The following COL25A1 variants were observed in gnomAD, a reference collection of about 807,000 sequenced individuals.
COL25A1 encodes collagen alpha-1(XXV) chain.
A neutral mutation model predicts 128.4 loss-of-function variants in COL25A1; 103 were observed. The ratio of observed to expected loss-of-function variants is 0.80; its 90% confidence interval spans 0.68 to 0.94. The LOEUF (loss-of-function observed/expected upper bound fraction) is 0.94. Ranked by LOEUF, COL25A1 falls within the 40% of genes least tolerant of loss-of-function variation. COL25A1 has a pLI of 0.00. For missense variants in COL25A1, 745 were observed against 840.0 expected (o/e 0.89, Z 1.40); for synonymous variants, 279 against 277.2 (o/e 1.01, Z -0.06).
At chr4:109,032,912 C>T (rs1442142568) in intron 5 of COL25A1, among the ~76,000 whole-genome samples, 2 of 152,156 alleles carry the variant, frequency 1.3e-5, no homozygotes, top group Admixed American at 1.3e-4. Flanking sequence ...GTCTGCGTCC[C>T]GCCTGGAGCA....
At chr4:108,959,900 AG>A (rs1750481643) in intron 8 of COL25A1, among the ~76,000 whole-genome samples, 1 of 152,172 alleles carries the variant, frequency 6.6e-6, no homozygotes, top group Admixed American at 6.5e-5. Context: ...AAAGTCTAAT[AG>A]ATCTCCAGAT....
At chr4:108,943,653 C>T (rs575525074) in intron 8 of COL25A1, among the ~76,000 whole-genome samples, 1 of 152,256 alleles carries the variant, frequency 6.6e-6, no homozygotes, top group African/African-American at 2.4e-5. Context: ...GTTTTGAATT[C>T]CTTATCCAAG....
At chr4:108,834,360 A>T in intron 31 of COL25A1, 2 of 1,550,514 alleles carry the variant, frequency 1.3e-6, no homozygotes, top group Non-Finnish European at 1.7e-6. Flanking sequence ...CTCACCCGGG[A>T]TCCTGGCTTT....
intron 11 of COL25A1, among the ~76,000 whole-genome samples, chr4:108,930,103 G>T (rs1475020285): frequency 6.6e-6 from 1 of 152,084 alleles, no homozygotes; most frequent in African/African-American, 2.4e-5. Flanking sequence ...AACTTAGCTT[G>T]GGGGAGTGTG....
intron 3 of COL25A1, among the ~76,000 whole-genome samples, chr4:109,264,481 G>A (rs1433903186): frequency 6.6e-6 from 1 of 152,206 alleles, no homozygotes; most frequent in Non-Finnish European, 1.5e-5. Context: ...AGTCACAGAA[G>A]GAACAGAGCA....
At chr4:108,941,674 G>A (rs2125929231) in intron 8 of COL25A1, among the ~76,000 whole-genome samples, 1 of 152,230 alleles carries the variant, frequency 6.6e-6, no homozygotes, top group Middle Eastern at 3.4e-3. Flanking sequence ...TATTTTTTGT[G>A]CCTCATCATT....
At chr4:108,980,354 C>T (rs534366503) in intron 6 of COL25A1, among the ~76,000 whole-genome samples, 52 of 152,314 alleles carry the variant, frequency 3.4e-4, no homozygotes, top group African/African-American at 1.2e-3. Flanking sequence ...ACTGATTGGA[C>T]ATGGGGGCCA....
At position 109,026,794 on chromosome 4, in the gene COL25A1, G is replaced by T. The variant is rs556539681; in HGVS notation, c.421-16419C>A. Among the ~76,000 whole-genome samples the T allele has an allele frequency of 2.0e-5, 3 of 152,308 alleles. No individual in the cohort carries two copies. In the East Asian group the frequency reaches 5.8e-4, roughly 29 times the overall value. Reference sequence around the variant, plus strand: ...GGACAGGACATAGAGAAAAGAAATGGCTTGCAGAGCAGTATCAGCATGCAA... The same window carrying T: ...GGACAGGACATAGAGAAAAGAAATGTCTTGCAGAGCAGTATCAGCATGCAA... On this transcript the variant is annotated intron_variant, in intron 5 of 37. Coordinates refer to ENST00000399132, the MANE Select transcript of COL25A1 (RefSeq NM_198721.4).
chr4:108,974,227 C>G, intron 8 of COL25A1, 140 bp downstream of exon 8: 1 of 781,156 alleles, frequency 1.3e-6, no homozygotes, highest in Admixed American at 2.6e-5. Context: ...GTTTTTTTCA[C>G]TTACAAGTGG....
intron 32 of COL25A1, 66 bp from the exon 33 acceptor site, chr4:108,827,254 C>T: frequency 3.7e-6 from 5 of 1,335,714 alleles, no homozygotes; most frequent in Non-Finnish European, 5.4e-6. Flanking sequence ...TTCTCTCATG[C>T]CCTATGTCTA....
intron 3 of COL25A1, among the ~76,000 whole-genome samples, chr4:109,240,936 CA>C (rs33995326): frequency 0.54 from 80,664 of 149,952 alleles, 23,152 homozygotes; most frequent in African/African-American, 0.74. Context: ...ATGGAGAGTA[CA>C]AAATAATTTT....
chr4:108,836,310 T>G (rs1230245856), intron 31 of COL25A1, among the ~76,000 whole-genome samples: 1 of 152,240 alleles, frequency 6.6e-6, no homozygotes, highest in Non-Finnish European at 1.5e-5. Flanking sequence ...AAGGGCAGAC[T>G]TTAAATAAAT....
chr4:109,121,934 C>A, intron 3 of COL25A1, among the ~76,000 whole-genome samples: 1 of 152,016 alleles, frequency 6.6e-6, no homozygotes. Context: ...AATATCATAT[C>A]ATTCAGGCTA....
intron 3 of COL25A1, among the ~76,000 whole-genome samples, chr4:109,139,973 T>C (rs752873583): frequency 1.3e-5 from 2 of 152,190 alleles, no homozygotes; most frequent in Non-Finnish European, 1.5e-5. Context: ...GGTTTCCAGC[T>C]TCATCGATGT....
intron 5 of COL25A1, among the ~76,000 whole-genome samples, chr4:109,019,825 G>A (rs1402581362): frequency 6.6e-6 from 1 of 152,098 alleles, no homozygotes; most frequent in East Asian, 1.9e-4. Context: ...GCAGTCAAAG[G>A]CCAGAGGAGG....
Position 109,301,787 on chromosome 4 carries a change from A to G in COL25A1, c.233T>C (p.Leu78Pro). 1 of 1,614,266 alleles carries G rather than the reference A, an allele frequency of 6.2e-7. No homozygotes were observed. Among genetic ancestry groups the G allele is most frequent in the Non-Finnish European group, 8.5e-7 (1 of 1,180,048 alleles). ...SAKGAPSIHLLPDTLDHLKTM... is the reference protein window; with the variant it reads ...SAKGAPSIHLPPDTLDHLKTM... ...CTTGAGGTGATCCAGGGTATCAGGC[A>G]GCAGATGAATGGAAGGGGCCCCTTT... Residue 78 changes from leucine (L) to proline (P), a missense_variant, in exon 2 of 38, where the codon CTG becomes CCG. Around this residue, in one of 3 missense-constraint regions of COL25A1, gnomAD observed 319 missense variants for 324.9 expected, o/e 0.98. Transcript: ENST00000399132.
chr4:109,072,794 C>G (rs923531832), intron 3 of COL25A1, among the ~76,000 whole-genome samples: 1 of 152,214 alleles, frequency 6.6e-6, no homozygotes, highest in Non-Finnish European at 1.5e-5. Flanking sequence ...TCGCAATCAG[C>G]ACTACAGCTG....
At chr4:109,005,686 TCAGA>T (rs1288644950) in intron 6 of COL25A1, among the ~76,000 whole-genome samples, 1 of 152,128 alleles carries the variant, frequency 6.6e-6, no homozygotes, top group Non-Finnish European at 1.5e-5. Context: ...CGGTCATGAC[TCAGA>T]CAGGGGTGGG....
chr4:109,246,191 G>A (rs988595286), intron 3 of COL25A1, among the ~76,000 whole-genome samples: 11 of 151,984 alleles, frequency 7.2e-5, no homozygotes, highest in South Asian at 2.1e-4. Flanking sequence ...AAACAATGAC[G>A]ATTATAATGA....
Sources: allele counts gnomAD v4.1 joint callset (sites outside exome capture counted in the v4.1 genomes callset), GRCh38; gene constraint gnomAD v4.1.1; regional missense constraint gnomAD v4.1.1; transcripts MANE v1.5; gene names NCBI Gene and HGNC (gene_info 2026-07-23, HGNC 2026-07-21).